CFAP70: variants seen among roughly 807,000 people sequenced by gnomAD.
CFAP70 encodes the protein cilia- and flagella-associated protein 70.
In CFAP70, 81 loss-of-function variants were observed where a neutral mutation model predicts 137.6. The ratio of observed to expected loss-of-function variants is 0.59; its 90% CI spans 0.49 to 0.71. The LOEUF is 0.71. Among genes scored for constraint, CFAP70 ranks in the 30% least tolerant of loss-of-function variants. The pLI, the probability that CFAP70 is intolerant of heterozygous loss-of-function variation, is 0.00. For missense variants in CFAP70, 976 were observed against 1,226.7 expected (o/e 0.80, Z 3.05); for synonymous variants, 382 against 423.6 (o/e 0.90, Z 1.20).
At chr10:73,313,533 ACT>A (rs1386654999) in intron 9 of CFAP70, among the ~76,000 whole-genome samples, 1 of 133,732 alleles carries the variant, frequency 7.5e-6, no homozygotes, top group Non-Finnish European at 1.6e-5. Context: ...ACACAGCAAG[ACT>A]CTGTCTCAAA....
intron 16 of CFAP70, 52 bp downstream of exon 17, chr10:73,293,211 T>G: frequency 1.3e-6 from 2 of 1,549,736 alleles, no homozygotes; most frequent in Non-Finnish European, 1.7e-6. Flanking sequence ...ATTACTATTA[T>G]GCCCATATTT....
chr10:73,348,185 G>T, intron 4 of CFAP70: 1 of 1,614,198 alleles, frequency 6.2e-7, no homozygotes, highest in Non-Finnish European at 8.5e-7. Context: ...GTTTCTAAGG[G>T]TGAGCCTTGC....
At chr10:73,291,643 G>C (rs1226919114) in exon 18 of CFAP70, 1 of 1,611,956 alleles carries the variant, frequency 6.2e-7, no homozygotes, top group East Asian at 2.2e-5. Flanking sequence ...TATCTACCAA[G>C]TAAAGTCCAG....
At chr10:73,287,561 T>C (rs2047826529) in intron 19 of CFAP70, among the ~76,000 whole-genome samples, 1 of 152,234 alleles carries the variant, frequency 6.6e-6, no homozygotes, top group Non-Finnish European at 1.5e-5. Context: ...AAACTTATTT[T>C]ATGCATGCAT....
intron 19 of CFAP70, among the ~76,000 whole-genome samples, chr10:73,282,917 C>G (rs186289319): frequency 6.2e-5 from 9 of 144,930 alleles, no homozygotes; most frequent in African/African-American, 2.3e-4. Context: ...ACTGCAAACT[C>G]TGCCTCCGGA....
chr10:73,311,551 C>A (rs2049923565), intron 11 of CFAP70, among the ~76,000 whole-genome samples: 1 of 152,148 alleles, frequency 6.6e-6, no homozygotes. Flanking sequence ...ATAAATGCTG[C>A]AGATGATGCA....
intron 25 of CFAP70, among the ~76,000 whole-genome samples, chr10:73,267,129 C>T (rs1363018227): frequency 2.0e-5 from 3 of 152,156 alleles, no homozygotes; most frequent in East Asian, 1.9e-4. Context: ...CAACCCAAAA[C>T]TTAATGGCTT....
At chr10:73,288,929 G>C (rs1324014409) in intron 19 of CFAP70, among the ~76,000 whole-genome samples, 1 of 152,210 alleles carries the variant, frequency 6.6e-6, no homozygotes, top group Non-Finnish European at 1.5e-5. Context: ...GACTAAGCAA[G>C]TTTACCTGCA....
intron 11 of CFAP70, among the ~76,000 whole-genome samples, chr10:73,310,815 T>C (rs1418508967): frequency 6.6e-6 from 1 of 152,170 alleles, no homozygotes. Context: ...ACCTGAGTTA[T>C]CCTTAACTTT....
At chr10:73,323,188 T>G in intron 8 of CFAP70, 91 bp from the exon 10 acceptor site, 10 of 1,264,244 alleles carry the variant, frequency 7.9e-6, no homozygotes, top group Non-Finnish European at 1.1e-5. Flanking sequence ...GGCCTGGTTT[T>G]AGAAACTAAC....
chr10:73,259,129 A>G (rs374731933), intron 25 of CFAP70, among the ~76,000 whole-genome samples: 1 of 152,100 alleles, frequency 6.6e-6, no homozygotes, highest in African/African-American at 2.4e-5. Context: ...GCATCACGGA[A>G]CCTGCCGATG....
chr10:73,263,584 A>T (rs1309946327), intron 25 of CFAP70, among the ~76,000 whole-genome samples: 1 of 152,204 alleles, frequency 6.6e-6, no homozygotes, highest in Non-Finnish European at 1.5e-5. Context: ...TCAGGTTATG[A>T]ACTTTTAACA....
chr10:73,260,426 A>T lies in CFAP70; in HGVS notation c.3028-4010T>A, dbSNP rs191688860. On this transcript the variant is annotated intron_variant, in intron 25 of 26. Coordinates refer to ENST00000310715, the Ensembl canonical transcript of CFAP70. The stretch of plus-strand genomic sequence containing the variant: ...TTTTTTTTTAATATGGATAGTAGCC[A>T]GTTGTCCCATCACCATTTAGTGAAG... Among the ~76,000 whole-genome samples, 112 of 152,300 alleles carry T rather than the reference A, an allele frequency of 7.4e-4. 1 individual carries two copies. In the Middle Eastern group the frequency reaches 0.014, roughly 19 times the overall value.
rs1172045875 is a variant in CFAP70, at chr10:73,275,343, T to C, written c.2673+103A>G. 1 of 1,341,346 alleles carries C rather than the reference T, an allele frequency of 7.5e-7. No homozygotes were observed. The highest frequency in any genetic ancestry group is 2.4e-5 in the Admixed American group (1 of 41,148). 83.1% of individuals were successfully genotyped at this position (1,341,346 alleles called of 1,614,324 possible). A position where few individuals can be genotyped will look rare whatever the true frequency, so the allele number is the denominator to read the frequency against. Reference sequence around the variant, plus strand: ...GAGAGATGAGTTTACTGACAGCTGATGACCACCCTTCTGTTCACCAGAAAT... The same window carrying C: ...GAGAGATGAGTTTACTGACAGCTGACGACCACCCTTCTGTTCACCAGAAAT... On this transcript the variant is annotated intron_variant, in intron 22 of 26. Coordinates refer to ENST00000310715, the Ensembl canonical transcript of CFAP70. The surrounding 1 kb of genome is among the most constrained non-coding windows in gnomAD (Gnocchi z 4.0).
At chr10:73,288,828 A>T (rs545993626) in intron 19 of CFAP70, among the ~76,000 whole-genome samples, 1 of 152,366 alleles carries the variant, frequency 6.6e-6, no homozygotes, top group African/African-American at 2.4e-5. Flanking sequence ...AAGAGAAGAG[A>T]CAAAATAACA....
At chr10:73,291,959 C>A (rs777536931) in exon 17 of CFAP70, 1 of 1,614,168 alleles carries the variant, frequency 6.2e-7, no homozygotes, top group Admixed American at 1.7e-5. Context: ...AGTTAGGAGG[C>A]AGAAGGCACC....
intron 8 of CFAP70, 26 bp from the exon 10 acceptor site, chr10:73,323,123 T>A (rs2051024094): frequency 6.3e-7 from 1 of 1,595,300 alleles, no homozygotes; most frequent in South Asian, 1.1e-5. Context: ...CAGAGAGTTG[T>A]TAGTGCTATA....
intron 9 of CFAP70, among the ~76,000 whole-genome samples, chr10:73,313,618 G>A (rs375154962): frequency 2.4e-3 from 371 of 151,620 alleles, no homozygotes; most frequent in African/African-American, 8.5e-3. Flanking sequence ...CGAGGCAGGC[G>A]GATCATTTGA....
Position 73,331,033 on chromosome 10 carries a change from T to A in CFAP70, c.777+144A>T, listed in dbSNP as rs994245312. On this transcript the variant is annotated intron_variant, in intron 8 of 26. Transcript: ENST00000310715. ...ACTTTCAGTGCTAAAACAAGTGACA[T>A]TCAAGGCAAATCAGAATGAGCTAGT... is the stretch of plus-strand genomic sequence containing the variant. 1.9e-5 allele frequency: 11 copies of A among 567,086 alleles called. No individual in the cohort carries two copies. The African/African-American group carries it at 2.1e-4, about 11-fold the overall frequency. 35.1% of individuals were successfully genotyped at this position (567,086 alleles called of 1,614,324 possible).
Sources: allele counts gnomAD v4.1 joint callset (sites outside exome capture counted in the v4.1 genomes callset), GRCh38; gene constraint gnomAD v4.1.1; non-coding constraint Gnocchi (gnomAD v3.1); transcripts MANE v1.5; gene names NCBI Gene and HGNC (gene_info 2026-07-23, HGNC 2026-07-21).